Variants in RPH3A observed in about 807,000 individuals in gnomAD.
RPH3A encodes rabphilin 3A.
RPH3A carries 48 observed loss-of-function variants against 102.2 expected under a neutral mutation model. The ratio of observed to expected loss-of-function variants is 0.47; its 90% CI spans 0.37 to 0.60. RPH3A has a LOEUF of 0.60. Ranked by LOEUF, RPH3A falls within the 20% of genes least tolerant of loss-of-function variation. RPH3A has a pLI of 0.00. For synonymous variants in RPH3A, 310 were observed against 324.3 expected (o/e 0.96, Z 0.47); for missense variants, 781 against 910.1 (o/e 0.86, Z 1.83).
chr12:112,582,939 T>C lies in RPH3A; in HGVS notation c.-140+7620T>C, dbSNP rs118138205. 4.8e-3 allele frequency among the ~76,000 whole-genome samples: 731 copies of C among 152,342 alleles called. 8 individuals carry two copies. The highest frequency in any genetic ancestry group is 8.6e-3 in the Non-Finnish European group (587 of 68,030). ...TATTTTCCTTGAGTTTATGGCTCTTTCAATGGTTCTATTTGTGTTTCCTGG... is the reference window on the plus strand; with the variant it reads ...TATTTTCCTTGAGTTTATGGCTCTTCCAATGGTTCTATTTGTGTTTCCTGG... On this transcript the variant is annotated intron_variant, in intron 1 of 21. Transcript: ENST00000543106.
At chr12:112,830,743 T>G (rs2041957283) in intron 3 of RPH3A, among the ~76,000 whole-genome samples, 1 of 152,154 alleles carries the variant, frequency 6.6e-6, no homozygotes, top group Non-Finnish European at 1.5e-5. Context: ...TAATGATTTT[T>G]TGTCCTAAAC....
rs372937639 is a variant in RPH3A at position 112,877,517 on chromosome 12, G to T, written c.1171+651G>T. Among the ~76,000 whole-genome samples, 22 of 152,112 alleles carry T rather than the reference G, an allele frequency of 1.4e-4. 1 individual carries two copies. The highest frequency in any genetic ancestry group is 1.0e-3 in the South Asian group (5 of 4,816). On this transcript the variant is annotated intron_variant, in intron 13 of 21. Coordinates refer to ENST00000389385, the MANE Select transcript of RPH3A (RefSeq NM_001143854.2). Reference sequence around the variant, plus strand: ...CCTGGGGCAGACTTTGTGAGCTGGAGAGAGGTAGAATTGGCAAGTGTCTGC... The same window carrying T: ...CCTGGGGCAGACTTTGTGAGCTGGATAGAGGTAGAATTGGCAAGTGTCTGC...
intron 1 of RPH3A, among the ~76,000 whole-genome samples, chr12:112,766,658 G>C (rs1176200462): frequency 6.6e-6 from 1 of 152,128 alleles, no homozygotes. Context: ...GAGGGAGCTG[G>C]AGTATTTATT....
chr12:112,896,527 A>G, intron 21 of RPH3A, 123 bp from the exon 22 acceptor site: 23 of 1,089,398 alleles, frequency 2.1e-5, no homozygotes, highest in Non-Finnish European at 3.0e-5. Context: ...AACTCTCTAT[A>G]GAGTATGGAT....
intron 2 of RPH3A, among the ~76,000 whole-genome samples, chr12:112,793,858 A>C (rs2041174953): frequency 6.6e-6 from 1 of 151,510 alleles, no homozygotes; most frequent in African/African-American, 2.4e-5. Flanking sequence ...GATTATGGAG[A>C]GGTTTGGGGG....
At chr12:112,743,288 G>A (rs1274720047) in intron 1 of RPH3A, among the ~76,000 whole-genome samples, 3 of 152,282 alleles carry the variant, frequency 2.0e-5, no homozygotes, top group African/African-American at 7.2e-5. Context: ...TCCAGGCTCC[G>A]CATTTGTTCA....
chr12:112,602,325 G>T (rs1395763637), intron 1 of RPH3A, among the ~76,000 whole-genome samples: 2 of 152,092 alleles, frequency 1.3e-5, no homozygotes, highest in Non-Finnish European at 1.5e-5. Context: ...CTCTAAGAAA[G>T]CCTGCCGCCC....
At position 112,836,520 on chromosome 12, in the gene RPH3A, CTTAT is replaced by C. The variant is rs1042968937; in HGVS notation, c.83+29_83+32del. On this transcript the variant is annotated intron_variant, in intron 4 of 21. Coordinates refer to ENST00000389385, the MANE Select transcript of RPH3A (RefSeq NM_001143854.2). Reference sequence around the variant, plus strand: ...AAAGAACAGTGAGTATTTTATAACACTTATTTATTTATTTTTTACAAACTGTATT... The same window carrying C: ...AAAGAACAGTGAGTATTTTATAACACTTATTTATTTTTTACAAACTGTATT... The C allele has an allele frequency of 3.7e-5, 46 of 1,252,962 alleles. 1 individual carries two copies. The Middle Eastern group carries it at 4.6e-3, about 125-fold the overall frequency. 77.6% of individuals were successfully genotyped at this position (1,252,962 alleles called of 1,614,324 possible). A position where few individuals can be genotyped will look rare whatever the true frequency, so the allele number is the denominator to read the frequency against.
At chr12:112,687,048 G>A (rs752851993) in intron 1 of RPH3A, among the ~76,000 whole-genome samples, 4 of 152,184 alleles carry the variant, frequency 2.6e-5, no homozygotes, top group Non-Finnish European at 4.4e-5. Context: ...CCAGGAGTTC[G>A]GGGGTGCAGT....
intron 1 of RPH3A, among the ~76,000 whole-genome samples, chr12:112,682,438 A>T (rs182784834): frequency 2.7e-5 from 4 of 150,818 alleles, no homozygotes; most frequent in East Asian, 2.0e-4. Context: ...ACTGATTCAA[A>T]TGCTAATCTC....
At chr12:112,577,072 G>C (rs977588106) in intron 1 of RPH3A, among the ~76,000 whole-genome samples, 1 of 151,838 alleles carries the variant, frequency 6.6e-6, no homozygotes. Context: ...TTACCGGAAA[G>C]GGATTCTGAT....
intron 1 of RPH3A, among the ~76,000 whole-genome samples, chr12:112,641,781 T>G (rs2039892493): frequency 1.3e-5 from 2 of 152,210 alleles, no homozygotes; most frequent in African/African-American, 2.4e-5. Context: ...TAGGTGGACC[T>G]TCTATAGATT....
chr12:112,706,584 TG>T (rs1234955066), intron 1 of RPH3A, among the ~76,000 whole-genome samples: 5 of 152,152 alleles, frequency 3.3e-5, no homozygotes, highest in Non-Finnish European at 1.5e-5. Flanking sequence ...CTTTAGGAAG[TG>T]GTTTTTACAC....
chr12:112,788,805 A>G (rs1407700456), upstream of RPH3A, among the ~76,000 whole-genome samples: 1 of 152,128 alleles, frequency 6.6e-6, no homozygotes, highest in Non-Finnish European at 1.5e-5. Context: ...TTCTGATTCC[A>G]CCACCAGCAT....
intron 1 of RPH3A, among the ~76,000 whole-genome samples, chr12:112,693,695 C>T (rs959215178): frequency 5.9e-5 from 9 of 152,142 alleles, no homozygotes; most frequent in African/African-American, 2.2e-4. Flanking sequence ...TGGATCTTGA[C>T]CCAAGCCAAA....
chr12:112,883,396 C>G lies in RPH3A; in HGVS notation c.1430C>G (p.Thr477Ser), dbSNP rs760076844. Reference sequence around the variant, plus strand: ...ACCGATGAGGACATGCAAAGGAAGACCCTCAGGTACCTGGCAGGCAGAGGG... The same window carrying G: ...ACCGATGAGGACATGCAAAGGAAGAGCCTCAGGTACCTGGCAGGCAGAGGG... ...GITDEDMQRK[T>S]LRISVCDEDK... Residue 477 changes from threonine (T) to serine (S), a missense_variant, in exon 16 of 22, where the codon ACC (threonine) becomes AGC (serine). By Grantham distance (58) the Thr-to-Ser change is moderately conservative. Transcript: ENST00000389385. 8.1e-6 allele frequency: 13 copies of G among 1,612,394 alleles called. No individual in the cohort carries two copies. Among genetic ancestry groups the G allele is most frequent in the Non-Finnish European group, 1.1e-5 (13 of 1,178,674 alleles).
intron 1 of RPH3A, among the ~76,000 whole-genome samples, chr12:112,785,074 TAGTC>T (rs1394153223): frequency 6.6e-6 from 1 of 151,974 alleles, no homozygotes; most frequent in Admixed American, 6.5e-5. Flanking sequence ...AATACAAAAT[TAGTC>T]AGGCATGGTG....
chr12:112,870,745 G>C (rs2042694827), intron 10 of RPH3A, among the ~76,000 whole-genome samples: 1 of 152,100 alleles, frequency 6.6e-6, no homozygotes, highest in South Asian at 2.1e-4. Flanking sequence ...TTGTAGCTTA[G>C]CACTTCACTT....
At chr12:112,751,908 G>A (rs2040788052) in intron 1 of RPH3A, among the ~76,000 whole-genome samples, 1 of 152,164 alleles carries the variant, frequency 6.6e-6, no homozygotes, top group African/African-American at 2.4e-5. Flanking sequence ...TGATGTGTAT[G>A]ATAATATTGT....
Sources: allele counts gnomAD v4.1 joint callset (sites outside exome capture counted in the v4.1 genomes callset), GRCh38; gene constraint gnomAD v4.1.1; transcripts MANE v1.5; gene names NCBI Gene and HGNC (gene_info 2026-07-23, HGNC 2026-07-21).